The following LARGE1 variants were observed in gnomAD, a reference collection of about 807,000 sequenced individuals.
LARGE1 encodes the protein xylosyl- and glucuronyltransferase LARGE1.
In LARGE1, 43 loss-of-function variants were observed where a neutral mutation model predicts 87.6. That is an observed-to-expected ratio of 0.49 (90% CI 0.38 to 0.63). The LOEUF (loss-of-function observed/expected upper bound fraction) is 0.63, where lower values mean the gene tolerates loss of function less well. Ranked by LOEUF, LARGE1 falls within the 30% of genes least tolerant of loss-of-function variation. LARGE1 has a pLI of 0.00. For missense variants in LARGE1, 802 were observed against 1,000.2 expected, an observed-to-expected ratio of 0.80 and a Z score of 2.67; for synonymous variants, 434 against 394.6, an observed-to-expected ratio of 1.10 and a Z score of -1.18.
the LARGE1 span, among the ~76,000 whole-genome samples, chr22:33,072,112 C>T: frequency 6.6e-6 from 1 of 152,176 alleles, no homozygotes; most frequent in Non-Finnish European, 1.5e-5. Context: ...GCAGAACGTA[C>T]TCCTCCCTCA....
chr22:33,706,662 T>A (rs2082571665), intron 2 of LARGE1, among the ~76,000 whole-genome samples: 1 of 152,244 alleles, frequency 6.6e-6, no homozygotes, highest in Non-Finnish European at 1.5e-5. Context: ...AGGAAATGAT[T>A]CAGCAAATCC....
intron 1 of LARGE1, among the ~76,000 whole-genome samples, chr22:33,819,442 G>A (rs1206254172): frequency 2.6e-5 from 4 of 151,538 alleles, no homozygotes; most frequent in Admixed American, 6.6e-5. Context: ...TGCCAACTAC[G>A]TCACCATCCA....
the LARGE1 span, among the ~76,000 whole-genome samples, chr22:33,123,164 A>G: frequency 1.3e-5 from 2 of 152,152 alleles, no homozygotes; most frequent in South Asian, 4.1e-4. Flanking sequence ...AGGTGTTATG[A>G]GCCAGACACA....
At chr22:33,316,283 G>C in intron 10 of LARGE1, 35 bp from the exon 11 acceptor site, 1 of 1,607,916 alleles carries the variant, frequency 6.2e-7, no homozygotes, top group Non-Finnish European at 8.5e-7. Flanking sequence ...GGCACGTGAA[G>C]AAGAGGTCCG....
At chr22:33,691,829 C>T (rs561492402) in intron 2 of LARGE1, among the ~76,000 whole-genome samples, 2 of 152,186 alleles carry the variant, frequency 1.3e-5, no homozygotes, top group African/African-American at 4.8e-5. Context: ...GGGGTGGACT[C>T]TCGTCTTCTC....
intron 1 of LARGE1, among the ~76,000 whole-genome samples, chr22:33,839,156 C>A (rs1165685049): frequency 6.6e-6 from 1 of 152,226 alleles, no homozygotes; most frequent in Non-Finnish European, 1.5e-5. Flanking sequence ...AGAAGCATAG[C>A]ACCCACATCT....
chr22:33,133,701 G>A, the LARGE1 span, among the ~76,000 whole-genome samples: 2 of 152,132 alleles, frequency 1.3e-5, no homozygotes, highest in African/African-American at 4.8e-5. Context: ...ACCCACTAAT[G>A]GGATTGCTGG....
intron 10 of LARGE1, among the ~76,000 whole-genome samples, chr22:33,318,252 A>G (rs116149657): frequency 0.02 from 3,103 of 151,560 alleles, 86 homozygotes; most frequent in African/African-American, 0.065. Flanking sequence ...AAAAAAAAGA[A>G]TGGGAGGACT....
the LARGE1 span, among the ~76,000 whole-genome samples, chr22:33,134,197 TG>T: frequency 6.6e-6 from 1 of 152,056 alleles, no homozygotes; most frequent in Admixed American, 6.5e-5. Context: ...TGAATGATCT[TG>T]TGCCAGTACA....
intron 1 of LARGE1, among the ~76,000 whole-genome samples, chr22:33,848,172 T>G (rs2063487065): frequency 6.6e-6 from 1 of 152,184 alleles, no homozygotes; most frequent in Admixed American, 6.5e-5. Context: ...CCGTATTTCT[T>G]TTTTCTAGAA....
intron 12 of LARGE1, among the ~76,000 whole-genome samples, chr22:33,295,568 G>A (rs1287215930): frequency 2.6e-5 from 4 of 152,212 alleles, no homozygotes; most frequent in Non-Finnish European, 4.4e-5. Flanking sequence ...AGGAAGGAAG[G>A]AGCCACCTGT....
At chr22:33,903,501 C>T (rs1235766735) in intron 1 of LARGE1, among the ~76,000 whole-genome samples, 3 of 151,896 alleles carry the variant, frequency 2.0e-5, no homozygotes, top group Non-Finnish European at 4.4e-5. Context: ...TGGCAAAACA[C>T]ATTGTCAGAG....
In LARGE1 at chr22:33,245,132, T is replaced by C. The variant is rs376056198; in HGVS notation, c.1730+59097A>G. 3.6e-3 allele frequency among the ~76,000 whole-genome samples: 547 copies of C among 152,270 alleles called. 1 individual carries two copies. The highest frequency in any genetic ancestry group is 5.3e-3 in the Non-Finnish European group (361 of 68,030). ...TTTTCTCATTATTAACTAAACTGAA[T>C]GCCCTTTAAAGATTTTTTAAGATTA... On this transcript the variant is annotated intron_variant, in intron 11 of 11. Transcript: ENST00000608642.
intron 3 of LARGE1, among the ~76,000 whole-genome samples, chr22:33,644,179 C>T (rs1458053807): frequency 2.0e-5 from 3 of 152,126 alleles, no homozygotes; most frequent in Non-Finnish European, 4.4e-5. Context: ...ACCGGCAAAC[C>T]GAATCCAGCA....
At chr22:33,803,492 A>T (rs926540649) in intron 1 of LARGE1, among the ~76,000 whole-genome samples, 7 of 152,190 alleles carry the variant, frequency 4.6e-5, no homozygotes, top group South Asian at 2.1e-4. Context: ...ACAACCAAAA[A>T]TGCAGAGGAG....
At chr22:33,129,033 C>T in the LARGE1 span, among the ~76,000 whole-genome samples, 3 of 152,304 alleles carry the variant, frequency 2.0e-5, no homozygotes, top group African/African-American at 4.8e-5. Flanking sequence ...CCATGGCACA[C>T]GTTTACCTAT....
chr22:33,581,921 C>T (rs2078532679), intron 5 of LARGE1, among the ~76,000 whole-genome samples: 1 of 151,860 alleles, frequency 6.6e-6, no homozygotes, highest in Non-Finnish European at 1.5e-5. Context: ...CATCTTAAAG[C>T]TTCACATGGC....
chr22:33,492,975 C>T (rs2069922571), intron 6 of LARGE1, among the ~76,000 whole-genome samples: 1 of 151,954 alleles, frequency 6.6e-6, no homozygotes. Context: ...CTCTAACAAT[C>T]CATTTTCAGG....
chr22:33,408,354 C>T (rs1306935571), intron 7 of LARGE1, among the ~76,000 whole-genome samples: 1 of 152,060 alleles, frequency 6.6e-6, no homozygotes, highest in Non-Finnish European at 1.5e-5. Context: ...TCTTTGGCTA[C>T]AAAGATCAAT....
Sources: gnomAD v4.1 joint callset for allele counts (sites outside exome capture counted in the v4.1 genomes callset) on GRCh38, gnomAD v4.1.1 for gene constraint, MANE v1.5 for transcripts, NCBI Gene and HGNC (gene_info 2026-07-23, HGNC 2026-07-21) for gene names.